DLG2: variants seen among roughly 807,000 people sequenced by gnomAD.
DLG2 encodes discs large MAGUK scaffold protein 2.
In DLG2, 45 loss-of-function variants were observed where a neutral mutation model predicts 132.5. The ratio of observed to expected loss-of-function variants is 0.34; its 90% CI spans 0.27 to 0.44. DLG2 has a LOEUF of 0.44. Ranked by LOEUF, DLG2 falls within the 20% of genes least tolerant of loss-of-function variation. The pLI is 1.00. For synonymous variants in DLG2, 424 were observed against 419.6 expected, an observed-to-expected ratio of 1.01 and a Z score of -0.13; for missense variants, 1,045 against 1,196.9, an observed-to-expected ratio of 0.87 and a Z score of 1.87.
chr11:85,360,784 G>A (rs1052276382), intron 3 of DLG2, among the ~76,000 whole-genome samples: 11 of 152,146 alleles, frequency 7.2e-5, no homozygotes, highest in South Asian at 2.1e-4. Flanking sequence ...CTTCCAGGAC[G>A]CCCTTCTCAA....
At chr11:84,600,225 A>G (rs948549599) in intron 6 of DLG2, among the ~76,000 whole-genome samples, 3 of 113,346 alleles carry the variant, frequency 2.6e-5, no homozygotes, top group African/African-American at 8.6e-5. Context: ...AGAAAGAAAG[A>G]GAAAGAAAGA....
At chr11:83,468,608 T>C (rs114175264) in intron 25 of DLG2, among the ~76,000 whole-genome samples, 8 of 152,338 alleles carry the variant, frequency 5.3e-5, no homozygotes, top group African/African-American at 1.9e-4. Context: ...ACTGGTTCTC[T>C]GTGTTCACAG....
At chr11:83,755,417 C>T (rs1394253924) in intron 18 of DLG2, among the ~76,000 whole-genome samples, 1 of 151,016 alleles carries the variant, frequency 6.6e-6, no homozygotes, top group East Asian at 1.9e-4. Flanking sequence ...GTAATAGTCT[C>T]ATATGAATGT....
chr11:84,184,904 G>C (rs2096244152), intron 8 of DLG2, among the ~76,000 whole-genome samples: 1 of 152,076 alleles, frequency 6.6e-6, no homozygotes, highest in Non-Finnish European at 1.5e-5. Flanking sequence ...TATTTCTGAG[G>C]GCTCTGTTCT....
intron 18 of DLG2, among the ~76,000 whole-genome samples, chr11:83,686,334 C>T (rs1043614478): frequency 6.6e-6 from 1 of 152,056 alleles, no homozygotes; most frequent in Non-Finnish European, 1.5e-5. Flanking sequence ...TTTATCTCTC[C>T]CTCTTATTAG....
intron 6 of DLG2, among the ~76,000 whole-genome samples, chr11:84,774,439 G>T (rs1409699286): frequency 6.6e-6 from 1 of 151,922 alleles, no homozygotes; most frequent in Non-Finnish European, 1.5e-5. Context: ...ATTAAAAAAA[G>T]ACTATTCTAA....
intron 4 of DLG2, among the ~76,000 whole-genome samples, chr11:85,239,320 G>A (rs938784773): frequency 2.6e-5 from 4 of 151,968 alleles, no homozygotes; most frequent in Non-Finnish European, 5.9e-5. Flanking sequence ...ACTGCAAATG[G>A]CACCATGTAT....
chr11:83,734,647 C>T (rs910816760), intron 18 of DLG2, among the ~76,000 whole-genome samples: 1 of 152,074 alleles, frequency 6.6e-6, no homozygotes, highest in African/African-American at 2.4e-5. Context: ...GATGGGGTTT[C>T]ACCACGTTGG....
intron 5 of DLG2, among the ~76,000 whole-genome samples, chr11:85,112,889 A>G (rs919769203): frequency 1.3e-5 from 2 of 152,002 alleles, no homozygotes; most frequent in Non-Finnish European, 2.9e-5. Context: ...ATCCAATCTG[A>G]TTTTATCTAA....
chr11:85,000,441 A>G (rs753100704), intron 6 of DLG2, among the ~76,000 whole-genome samples: 2 of 152,116 alleles, frequency 1.3e-5, no homozygotes, highest in South Asian at 4.1e-4. Flanking sequence ...TAGCCTTCCA[A>G]TTTGGTAGTT....
intron 20 of DLG2, 85 bp downstream of exon 20, chr11:83,541,597 A>G: frequency 1.7e-6 from 2 of 1,204,588 alleles, no homozygotes; most frequent in South Asian, 3.9e-5. Context: ...AATTTTGTGA[A>G]CAGTTTCTCC....
chr11:84,751,154 G>C (rs2066062471), intron 6 of DLG2, among the ~76,000 whole-genome samples: 1 of 152,038 alleles, frequency 6.6e-6, no homozygotes, highest in South Asian at 2.1e-4. Context: ...GCATCCTGGA[G>C]GGAAGAATAT....
At chr11:84,067,760 T>C (rs1041344144) in intron 10 of DLG2, among the ~76,000 whole-genome samples, 1 of 152,178 alleles carries the variant, frequency 6.6e-6, no homozygotes, top group Non-Finnish European at 1.5e-5. Context: ...CTCACCCTAA[T>C]GATCTGTATA....
At chr11:84,079,576 T>C (rs1461273675) in intron 10 of DLG2, among the ~76,000 whole-genome samples, 1 of 152,036 alleles carries the variant, frequency 6.6e-6, no homozygotes, top group African/African-American at 2.4e-5. Context: ...AGCCACCGTG[T>C]CCAGCCCTAC....
intron 6 of DLG2, among the ~76,000 whole-genome samples, chr11:84,805,938 A>T (rs1376497760): frequency 2.0e-5 from 3 of 152,264 alleles, no homozygotes; most frequent in Non-Finnish European, 4.4e-5. Flanking sequence ...CTTGAAACAA[A>T]TGGAAACATA....
chr11:84,526,253 AT>A (rs754642629), intron 7 of DLG2, among the ~76,000 whole-genome samples: 1 of 152,212 alleles, frequency 6.6e-6, no homozygotes, highest in Non-Finnish European at 1.5e-5. Context: ...AACTCCTCAA[AT>A]GTGTTTAAGC....
At chr11:85,391,434 T>C (rs959319715) in intron 3 of DLG2, among the ~76,000 whole-genome samples, 2 of 152,090 alleles carry the variant, frequency 1.3e-5, no homozygotes, top group African/African-American at 4.8e-5. Flanking sequence ...CTCTAAATCA[T>C]TCTATGAAGC....
chr11:84,120,604 A>C (rs2093864743), intron 9 of DLG2, among the ~76,000 whole-genome samples: 2 of 152,228 alleles, frequency 1.3e-5, no homozygotes. Flanking sequence ...TGGATGACAG[A>C]CACTGAGCCT....
intron 3 of DLG2, among the ~76,000 whole-genome samples, chr11:85,386,170 G>GT (rs924472149): frequency 6.6e-6 from 1 of 152,054 alleles, no homozygotes; most frequent in African/African-American, 2.4e-5. Context: ...AAAAAATCAG[G>GT]TTCTAACACA....
Sources: allele counts gnomAD v4.1 joint callset (sites outside exome capture counted in the v4.1 genomes callset), GRCh38; gene constraint gnomAD v4.1.1; transcripts MANE v1.5; gene names NCBI Gene and HGNC (gene_info 2026-07-23, HGNC 2026-07-21).